DEPTOR: variants seen among roughly 807,000 people sequenced by gnomAD.
DEPTOR encodes the protein DEP domain containing MTOR interacting protein, also known as DEP domain-containing mTOR-interacting protein.
A neutral mutation model predicts 41.6 loss-of-function variants in DEPTOR; 41 were observed. That is an observed-to-expected ratio of 0.98 (90% CI 0.77 to 1.28). The LOEUF is 1.28. DEPTOR is among the 50% of genes most tolerant of loss of function. The pLI is 0.00. For missense variants in DEPTOR, 514 were observed against 527.9 expected, an observed-to-expected ratio of 0.97 and a Z score of 0.26; for synonymous variants, 195 against 192.3, an observed-to-expected ratio of 1.01 and a Z score of -0.12.
rs1403235744 is a variant in DEPTOR, at chr8:119,963,544, T to A, written c.426-1688T>A. Among the ~76,000 whole-genome samples the A allele has an allele frequency of 2.0e-5, 3 of 151,856 alleles. 1 individual carries two copies. Among genetic ancestry groups the A allele is most frequent in the Admixed American group, 1.3e-4 (2 of 15,220 alleles). On this transcript the variant is annotated intron_variant, in intron 3 of 8. Transcript: ENST00000286234. Reference sequence around the variant, plus strand: ...TTTTGTATTTTTAATAGAGATGGGGTTTTGTCATGTTGCCCAGGCTAATCT... The same window carrying A: ...TTTTGTATTTTTAATAGAGATGGGGATTTGTCATGTTGCCCAGGCTAATCT...
intron 3 of DEPTOR, among the ~76,000 whole-genome samples, chr8:119,941,711 C>T (rs569045931): frequency 9.9e-5 from 15 of 152,248 alleles, no homozygotes; most frequent in African/African-American, 2.9e-4. Flanking sequence ...CTAAAAGCTT[C>T]GTTCTAAACC....
At chr8:119,900,924 G>A (rs889790236) in intron 1 of DEPTOR, among the ~76,000 whole-genome samples, 1 of 151,958 alleles carries the variant, frequency 6.6e-6, no homozygotes, top group African/African-American at 2.4e-5. Flanking sequence ...CACTCTTCTA[G>A]GCATAGAGTA....
At chr8:119,917,800 C>T (rs889298957) in intron 1 of DEPTOR, among the ~76,000 whole-genome samples, 19 of 152,110 alleles carry the variant, frequency 1.2e-4, no homozygotes, top group Non-Finnish European at 2.9e-5. Flanking sequence ...GTCTCCTGCC[C>T]GTCCCTGGGC....
At chr8:119,906,950 T>C (rs1170872715) in intron 1 of DEPTOR, among the ~76,000 whole-genome samples, 2 of 152,154 alleles carry the variant, frequency 1.3e-5, no homozygotes, top group Non-Finnish European at 2.9e-5. Context: ...AAAAGGGATA[T>C]TGTGACTCTC....
intron 3 of DEPTOR, among the ~76,000 whole-genome samples, chr8:119,938,102 G>A (rs947954697): frequency 2.0e-5 from 3 of 152,258 alleles, no homozygotes; most frequent in Admixed American, 1.3e-4. Context: ...AAATCTGAGA[G>A]ACCCATAAAG....
intron 1 of DEPTOR, among the ~76,000 whole-genome samples, chr8:119,910,444 G>A (rs572017086): frequency 5.3e-5 from 8 of 152,056 alleles, no homozygotes; most frequent in Admixed American, 5.2e-4. Flanking sequence ...TTTTTTTCAG[G>A]CCTTATTTTT....
chr8:119,951,190 G>A (rs892198299), intron 3 of DEPTOR, among the ~76,000 whole-genome samples: 1 of 151,570 alleles, frequency 6.6e-6, no homozygotes, highest in Non-Finnish European at 1.5e-5. Context: ...CTCTGTTTTG[G>A]TATCAATTTC....
At chr8:119,901,313 A>G (rs1335946876) in intron 1 of DEPTOR, among the ~76,000 whole-genome samples, 1 of 152,214 alleles carries the variant, frequency 6.6e-6, no homozygotes, top group Non-Finnish European at 1.5e-5. Context: ...TCAGCTGATT[A>G]TATAATTGCA....
At chr8:119,945,441 C>T (rs774557842) in intron 3 of DEPTOR, among the ~76,000 whole-genome samples, 15 of 152,128 alleles carry the variant, frequency 9.9e-5, no homozygotes, top group African/African-American at 3.4e-4. Flanking sequence ...ATCCTTCCTA[C>T]ACCTCTAAGA....
intron 1 of DEPTOR, among the ~76,000 whole-genome samples, chr8:119,888,976 T>G (rs1285804153): frequency 6.6e-6 from 1 of 151,806 alleles, no homozygotes; most frequent in Non-Finnish European, 1.5e-5. Context: ...GGAGAATGCC[T>G]GGGCGGAAAA....
At chr8:119,922,066 C>T (rs372500497) in intron 1 of DEPTOR, among the ~76,000 whole-genome samples, 3 of 151,718 alleles carry the variant, frequency 2.0e-5, no homozygotes, top group Non-Finnish European at 2.9e-5. Flanking sequence ...GATGAAACCC[C>T]GTCTCTCCTA....
intron 8 of DEPTOR, among the ~76,000 whole-genome samples, chr8:120,042,269 G>T (rs1401952641): frequency 6.6e-6 from 1 of 152,090 alleles, no homozygotes; most frequent in African/African-American, 2.4e-5. Context: ...ATACAGAGGA[G>T]AAATAATTTC....
chr8:119,914,740 A>G (rs1008905255), intron 1 of DEPTOR, among the ~76,000 whole-genome samples: 4 of 152,164 alleles, frequency 2.6e-5, no homozygotes, highest in Non-Finnish European at 5.9e-5. Context: ...CAATCCCCCA[A>G]GCACTTTTGA....
At chr8:119,965,971 T>C (rs1586636111) in intron 4 of DEPTOR, among the ~76,000 whole-genome samples, 2 of 152,332 alleles carry the variant, frequency 1.3e-5, no homozygotes, top group Middle Eastern at 3.4e-3. Context: ...TTTGTATCTG[T>C]GGGTTCTGCA....
chr8:119,952,336 TC>T (rs1190083129), intron 3 of DEPTOR, among the ~76,000 whole-genome samples: 1 of 152,174 alleles, frequency 6.6e-6, no homozygotes, highest in Non-Finnish European at 1.5e-5. Flanking sequence ...TTCTGCTCTT[TC>T]CGTCATGCTG....
At position 119,965,416 on chromosome 8, in the gene DEPTOR, C is replaced by T. The variant is rs374319278; in HGVS notation, c.604+6C>T. The T allele has an allele frequency of 2.2e-5, 36 of 1,609,612 alleles. No homozygotes were observed. Among genetic ancestry groups the T allele is most frequent in the Non-Finnish European group, 2.6e-5 (31 of 1,178,134 alleles). On this transcript the variant is annotated splice_donor_region_variant and intron_variant, in intron 4 of 8. Coordinates refer to ENST00000286234, the MANE Select transcript of DEPTOR (RefSeq NM_022783.4). The stretch of plus-strand genomic sequence containing the variant: ...GCATGGCATCATCCAGCATGGTGAG[C>T]GTATTGGGCAGCTTTTGCTGCAGGA...
chr8:120,049,694 T>TA lies in DEPTOR; in HGVS notation c.1221dup (p.Glu408ArgfsTer55). On this transcript the variant is annotated frameshift_variant, in exon 9 of 9. Transcript: ENST00000286234. LOFTEE classifies it high-confidence loss of function. ...ATTGTCATGGAAGTCATGGAGGAGTTAGAGTGCTGAGCTCCTGGGCCTCCC... is the reference window on the plus strand; with the variant it reads ...ATTGTCATGGAAGTCATGGAGGAGTTAAGAGTGCTGAGCTCCTGGGCCTCCC... 6.2e-7 allele frequency: 1 copy of TA among 1,613,860 alleles called. No individual in the cohort carries two copies. The highest frequency in any genetic ancestry group is 2.2e-5 in the East Asian group (1 of 44,872).
intron 3 of DEPTOR, among the ~76,000 whole-genome samples, chr8:119,961,397 C>G (rs977620110): frequency 6.8e-5 from 8 of 118,226 alleles, no homozygotes; most frequent in African/African-American, 2.5e-4. Context: ...GCCTGGGCAA[C>G]AAGAGTGAAA....
chr8:119,964,310 T>C (rs1330578404), intron 3 of DEPTOR, among the ~76,000 whole-genome samples: 2 of 151,610 alleles, frequency 1.3e-5, no homozygotes, highest in Non-Finnish European at 2.9e-5. Flanking sequence ...AGGTCAGGAG[T>C]TCGAGACCAG....
Sources: gnomAD v4.1 joint callset for allele counts (sites outside exome capture counted in the v4.1 genomes callset) on GRCh38, gnomAD v4.1.1 for gene constraint, MANE v1.5 for transcripts, NCBI Gene and HGNC (gene_info 2026-07-23, HGNC 2026-07-21) for gene names.